SEC24B: variants seen among roughly 807,000 people sequenced by gnomAD.
The protein encoded by SEC24B is protein transport protein Sec24B.
In SEC24B, 45 loss-of-function variants were observed where a neutral mutation model predicts 142.8. The ratio of observed to expected loss-of-function variants is 0.32; its 90% CI spans 0.25 to 0.40. The LOEUF is 0.40. Ranked by LOEUF, SEC24B falls within the 10% of genes least tolerant of loss-of-function variation. The pLI is 1.00. For synonymous variants in SEC24B, 574 were observed against 568.2 expected, an observed-to-expected ratio of 1.01 and a Z score of -0.15; for missense variants, 1,409 against 1,526.8, an observed-to-expected ratio of 0.92 and a Z score of 1.29.
rs559910914 is a variant in SEC24B, at chr4:109,478,647, T to C, written c.1061-3030T>C. On this transcript the variant is annotated intron_variant, in intron 3 of 23. Transcript: ENST00000265175. ...GAGTTGAACCCAGAGTCCTCTTCTT[T>C]ATCCATAATGTTACGCTCCTTCTCT... 3.9e-5 allele frequency among the ~76,000 whole-genome samples: 6 copies of C among 152,322 alleles called. No individual in the cohort carries two copies. In the East Asian group the frequency reaches 9.6e-4, roughly 24 times the overall value.
chr4:109,494,244 C>T (rs1735305934), intron 5 of SEC24B, among the ~76,000 whole-genome samples: 1 of 151,926 alleles, frequency 6.6e-6, no homozygotes, highest in African/African-American at 2.4e-5. Context: ...CTCTTGAGCA[C>T]AGGTGTTCAA....
chr4:109,464,484 A>G (rs1211646340), intron 2 of SEC24B, among the ~76,000 whole-genome samples: 1 of 152,140 alleles, frequency 6.6e-6, no homozygotes, highest in Non-Finnish European at 1.5e-5. Flanking sequence ...ATGTTGCCCA[A>G]GCTGGTCTCG....
intron 17 of SEC24B, 79 bp from the exon 18 acceptor site, chr4:109,527,243 A>G: frequency 9.7e-7 from 1 of 1,036,204 alleles, no homozygotes; most frequent in Non-Finnish European, 1.4e-6. Context: ...GAAAGAAAGA[A>G]AGAAAAAAAG....
chr4:109,487,507 G>T (rs116067634), intron 4 of SEC24B, among the ~76,000 whole-genome samples: 2 of 152,186 alleles, frequency 1.3e-5, no homozygotes, highest in African/African-American at 4.8e-5. Flanking sequence ...CAGTGTGAAG[G>T]CATTTACACC....
intron 14 of SEC24B, among the ~76,000 whole-genome samples, chr4:109,522,302 C>T (rs1053637555): frequency 6.6e-6 from 1 of 152,140 alleles, no homozygotes; most frequent in Non-Finnish European, 1.5e-5. Context: ...CCGCCCACTT[C>T]AGCCTCCCAA....
chr4:109,455,369 C>T (rs1161927434), intron 1 of SEC24B, among the ~76,000 whole-genome samples: 1 of 151,938 alleles, frequency 6.6e-6, no homozygotes, highest in African/African-American at 2.4e-5. Flanking sequence ...CCTGCCTCAG[C>T]CCTCCCGAGT....
Position 109,525,493 on chromosome 4 carries a change from G to C in SEC24B, c.2780G>C (p.Arg927Thr). 6.2e-7 allele frequency: 1 copy of C among 1,604,928 alleles called. No homozygotes were observed. Among genetic ancestry groups the C allele is most frequent in the Non-Finnish European group, 8.5e-7 (1 of 1,176,080 alleles). The change falls in exon 16 of 24, where the codon AGG (arginine) becomes ACG (threonine). Residue 927 changes from arginine (R) to threonine (T), a missense_variant. Arg to Thr is a moderately conservative substitution (Grantham distance 71). This residue lies in a region of SEC24B where 700 missense variants were observed against 853.3 expected (regional missense o/e 0.82). Transcript: ENST00000265175. ...KIGFEAVMRI[R>T]CTKGLSMHTF... ...GGGTTTGAAGCTGTTATGAGAATAAGGTGTACTAAAGGTATGAAGTTGTAA... is the reference window on the plus strand; with the variant it reads ...GGGTTTGAAGCTGTTATGAGAATAACGTGTACTAAAGGTATGAAGTTGTAA...
At chr4:109,535,775 C>G (rs759720028) in intron 22 of SEC24B, among the ~76,000 whole-genome samples, 1 of 152,026 alleles carries the variant, frequency 6.6e-6, no homozygotes, top group Non-Finnish European at 1.5e-5. Context: ...TGGTATGAAA[C>G]CGGGAGGCGG....
At chr4:109,512,909 AC>A in intron 9 of SEC24B, among the ~76,000 whole-genome samples, 1 of 143,480 alleles carries the variant, frequency 7.0e-6, no homozygotes, top group Non-Finnish European at 1.5e-5. Context: ...TGATCCATCC[AC>A]CTCAGCCTCC....
rs1732713540 is a variant in SEC24B at position 109,473,167 on chromosome 4, A to G, written c.1041A>G (p.Ser347=). 6.3e-7 allele frequency: 1 copy of G among 1,577,408 alleles called. No homozygotes were observed. The highest frequency in any genetic ancestry group is 8.6e-7 in the Non-Finnish European group (1 of 1,162,306). Residue 347 remains serine (S), a synonymous_variant, in exon 3 of 24, where the codon TCA becomes TCG. Transcript: ENST00000265175. ...CTGTGACCTCAGTTACACAGCCATC[A>G]GAGCTATTACAACAAAAAGGTATTT... The part of the protein sequence containing the change: ...VEPVTSVTQP[S]ELLQQKGVQY...
chr4:109,442,696 T>C (rs898657545), intron 1 of SEC24B, among the ~76,000 whole-genome samples: 2 of 152,194 alleles, frequency 1.3e-5, no homozygotes, highest in Admixed American at 1.3e-4. Flanking sequence ...GGGGGAATGA[T>C]CATGCTATTA....
At chr4:109,532,561 A>G (rs933175644) in intron 20 of SEC24B, 78 bp from the exon 21 acceptor site, 2 of 998,938 alleles carry the variant, frequency 2.0e-6, no homozygotes, top group African/African-American at 3.2e-5. Context: ...ATGCTTCATA[A>G]AGGGTTAGTG....
chr4:109,471,154 T>C (rs994700596), intron 2 of SEC24B, among the ~76,000 whole-genome samples: 1 of 152,204 alleles, frequency 6.6e-6, no homozygotes, highest in Non-Finnish European at 1.5e-5. Context: ...TTTCATTTTA[T>C]GGTTTTGAGA....
chr4:109,523,158 C>A (rs866574799), intron 14 of SEC24B, among the ~76,000 whole-genome samples: 1 of 151,916 alleles, frequency 6.6e-6, no homozygotes. Flanking sequence ...GGCAATGTAA[C>A]GAGACCCTAT....
chr4:109,519,253 G>A (rs1161495766), intron 11 of SEC24B, among the ~76,000 whole-genome samples: 3 of 152,098 alleles, frequency 2.0e-5, no homozygotes, highest in Non-Finnish European at 4.4e-5. Flanking sequence ...AGCCTTGTAT[G>A]GAAAAGTATG....
At chr4:109,507,170 A>C (rs1000932780) in intron 7 of SEC24B, among the ~76,000 whole-genome samples, 10 of 151,836 alleles carry the variant, frequency 6.6e-5, no homozygotes, top group African/African-American at 2.4e-4. Flanking sequence ...TATGAATAGG[A>C]TATCCCCCTG....
chr4:109,517,761 A>AT (rs1388629399), intron 11 of SEC24B, among the ~76,000 whole-genome samples: 1 of 152,076 alleles, frequency 6.6e-6, no homozygotes, highest in Admixed American at 6.6e-5. Flanking sequence ...AGATAAAAGG[A>AT]TTTTTTTAAA....
chr4:109,467,069 G>A (rs369970913), intron 2 of SEC24B, among the ~76,000 whole-genome samples: 1 of 152,006 alleles, frequency 6.6e-6, no homozygotes, highest in Non-Finnish European at 1.5e-5. Flanking sequence ...GCTCACGCCT[G>A]TAATCCCAGC....
At chr4:109,498,704 G>C (rs1735794685) in intron 6 of SEC24B, among the ~76,000 whole-genome samples, 1 of 152,066 alleles carries the variant, frequency 6.6e-6, no homozygotes, top group Non-Finnish European at 1.5e-5. Flanking sequence ...TAATATCTTA[G>C]CTTAGCTTTA....
Sources: gnomAD v4.1 joint callset for allele counts (sites outside exome capture counted in the v4.1 genomes callset) on GRCh38, gnomAD v4.1.1 for gene constraint, gnomAD v4.1.1 regional missense constraint, MANE v1.5 for transcripts, NCBI Gene and HGNC (gene_info 2026-07-23, HGNC 2026-07-21) for gene names.